The following UBE2Q2 variants were observed in gnomAD, a reference collection of about 807,000 sequenced individuals.
The protein encoded by UBE2Q2 is ubiquitin conjugating enzyme E2 Q2.
A neutral mutation model predicts 59.9 loss-of-function variants in UBE2Q2; 54 were observed. That is an observed-to-expected ratio of 0.90 (90% CI 0.72 to 1.13). The LOEUF is 1.13. UBE2Q2 is among the 50% of genes most tolerant of loss of function. UBE2Q2 has a pLI of 0.00. For missense variants in UBE2Q2, 433 were observed against 441.9 expected, an observed-to-expected ratio of 0.98 and a Z score of 0.18; for synonymous variants, 165 against 155.2, an observed-to-expected ratio of 1.06 and a Z score of -0.47.
intron 11 of UBE2Q2, among the ~76,000 whole-genome samples, chr15:75,896,523 T>G (rs1303810395): frequency 6.6e-6 from 1 of 152,244 alleles, no homozygotes; most frequent in Non-Finnish European, 1.5e-5. Context: ...GTGACAATTA[T>G]GGGCATTCTT....
At chr15:75,857,528 A>C (rs1224773168) in intron 2 of UBE2Q2, among the ~76,000 whole-genome samples, 6 of 152,076 alleles carry the variant, frequency 3.9e-5, no homozygotes, top group Non-Finnish European at 5.9e-5. Flanking sequence ...TTTTTCGCTG[A>C]AGTTATTATA....
At chr15:75,856,167 A>C (rs1318145956) in intron 2 of UBE2Q2, among the ~76,000 whole-genome samples, 1 of 151,608 alleles carries the variant, frequency 6.6e-6, no homozygotes, top group African/African-American at 2.4e-5. Flanking sequence ...AGCCTAGGTG[A>C]CGGAGTGAGA....
chr15:75,855,445 C>G (rs960760244), intron 2 of UBE2Q2, among the ~76,000 whole-genome samples: 1 of 150,654 alleles, frequency 6.6e-6, no homozygotes, highest in African/African-American at 2.4e-5. Context: ...GAGCCGAGAT[C>G]ACGCTATTAT....
At chr15:75,888,224 G>A (rs796837497) in intron 9 of UBE2Q2, among the ~76,000 whole-genome samples, 20 of 152,144 alleles carry the variant, frequency 1.3e-4, no homozygotes, top group African/African-American at 4.6e-4. Flanking sequence ...AAGAAACCCC[G>A]TACTGATTAG....
At position 75,843,738 on chromosome 15, in the gene UBE2Q2, C is replaced by T. The variant is rs1896147653; in HGVS notation, c.72C>T (p.Phe24=). The change falls in exon 1 of 13, where the codon TTC becomes TTT. Residue 24 remains phenylalanine, a synonymous_variant. Transcript: ENST00000267938. The part of the protein sequence containing the change: ...ASIFDKNHER[F]RIVSWKLDEL... ...TCTTCGACAAGAACCACGAGCGATT[C>T]CGCATCGTCAGTTGGAAGCTGGACG... is the stretch of plus-strand genomic sequence containing the variant. 1.9e-6 allele frequency: 3 copies of T among 1,611,714 alleles called. No homozygotes were observed. The highest frequency in any genetic ancestry group is 2.5e-6 in the Non-Finnish European group (3 of 1,179,132).
chr15:75,859,816 A>G (rs952540913), intron 2 of UBE2Q2, 62 bp from the exon 3 acceptor site: 4 of 1,212,628 alleles, frequency 3.3e-6, no homozygotes, highest in African/African-American at 3.1e-5. Context: ...TAGTCATAAC[A>G]TTATTGATGT....
At chr15:75,896,523 T>C (rs1303810395) in intron 11 of UBE2Q2, among the ~76,000 whole-genome samples, 1 of 152,244 alleles carries the variant, frequency 6.6e-6, no homozygotes, top group African/African-American at 2.4e-5. Flanking sequence ...GTGACAATTA[T>C]GGGCATTCTT....
Position 75,868,953 on chromosome 15 carries a change from T to G in UBE2Q2, c.390T>G (p.Asn130Lys), listed in dbSNP as rs1484019540. ...GGCAGATTCTTTCTCTGTTTCAGAA[T>G]GGGACAACAGAAGAAGTGACTTCAG... is the stretch of plus-strand genomic sequence containing the variant. ...MLDQPLPTGQ[N>K]GTTEEVTSEE... Residue 130 changes from asparagine (N) to lysine (K), a missense_variant and splice_region_variant, in exon 4 of 13, where the codon AAT becomes AAG. Transcript: ENST00000267938. 4 of 1,612,872 alleles carry G rather than the reference T, an allele frequency of 2.5e-6. No individual in the cohort carries two copies. Among genetic ancestry groups the G allele is most frequent in the Non-Finnish European group, 3.4e-6 (4 of 1,179,190 alleles).
chr15:75,852,283 C>T (rs1254575764), intron 1 of UBE2Q2, among the ~76,000 whole-genome samples: 3 of 152,128 alleles, frequency 2.0e-5, no homozygotes, highest in African/African-American at 7.2e-5. Flanking sequence ...TTGGTGTTAC[C>T]GCCTTTATTT....
At chr15:75,868,924 C>A (rs372759645) in intron 3 of UBE2Q2, 27 bp from the exon 4 acceptor site, 1 of 1,610,400 alleles carries the variant, frequency 6.2e-7, no homozygotes, top group Non-Finnish European at 8.5e-7. Flanking sequence ...TTCTGTATAG[C>A]CCTGGCAGAT....
intron 8 of UBE2Q2, among the ~76,000 whole-genome samples, chr15:75,880,882 G>A (rs1367471979): frequency 2.0e-5 from 3 of 152,182 alleles, no homozygotes; most frequent in Non-Finnish European, 4.4e-5. Flanking sequence ...TACAAAAAAG[G>A]TAGTAATTTT....
rs1243851124 is a variant in UBE2Q2, at chr15:75,899,917, C to T, written c.*459C>T. The T allele has an allele frequency of 6.5e-6, 1 of 152,712 alleles. No homozygotes were observed. The highest frequency in any genetic ancestry group is 6.5e-5 in the Admixed American group (1 of 15,270). 9.5% of individuals were successfully genotyped at this position (152,712 alleles called of 1,614,324 possible). ...TAAGGCCTTCTAAATCATAATAGCT[C>T]TTTCATGTCTAAAACCATTTTATGA... On this transcript the variant is annotated 3_prime_UTR_variant, in exon 13 of 13. Coordinates refer to ENST00000267938, the MANE Select transcript of UBE2Q2 (RefSeq NM_173469.4).
Position 75,890,476 on chromosome 15 carries a change from C to CAA in UBE2Q2, c.929_930dup (p.Gln311AsnfsTer10). 1 of 1,608,998 alleles carries CAA rather than the reference C, an allele frequency of 6.2e-7. No homozygotes were observed. Among genetic ancestry groups the CAA allele is most frequent in the Non-Finnish European group, 8.5e-7 (1 of 1,178,850 alleles). On this transcript the variant is annotated frameshift_variant, in exon 10 of 13. Coordinates refer to ENST00000267938, the MANE Select transcript of UBE2Q2 (RefSeq NM_173469.4). LOFTEE classifies it high-confidence loss of function. ...GGAGCATTATGTATGGAACTTCTCA[C>CAA]AAAACAGGTGACTTTTCTTACGATA...
chr15:75,886,914 G>A (rs561859852), intron 9 of UBE2Q2, among the ~76,000 whole-genome samples: 146 of 150,920 alleles, frequency 9.7e-4, no homozygotes, highest in Non-Finnish European at 1.8e-3. Context: ...TATAAAATTG[G>A]CCAGTATAGC....
At chr15:75,847,482 G>A (rs1896412771) in intron 1 of UBE2Q2, among the ~76,000 whole-genome samples, 1 of 152,132 alleles carries the variant, frequency 6.6e-6, no homozygotes, top group African/African-American at 2.4e-5. Context: ...CTTAAATAAT[G>A]AAGGGAAAAG....
chr15:75,848,883 C>G (rs1896495484), intron 1 of UBE2Q2, among the ~76,000 whole-genome samples: 1 of 151,992 alleles, frequency 6.6e-6, no homozygotes, highest in Non-Finnish European at 1.5e-5. Context: ...AAAGATAATC[C>G]CAACTTGGAA....
intron 6 of UBE2Q2, among the ~76,000 whole-genome samples, chr15:75,876,839 A>G (rs1352440152): frequency 6.6e-6 from 1 of 152,208 alleles, no homozygotes; most frequent in Non-Finnish European, 1.5e-5. Flanking sequence ...ATAGTATTAA[A>G]TAATGAGCCA....
intron 11 of UBE2Q2, among the ~76,000 whole-genome samples, chr15:75,892,605 A>G (rs1449541417): frequency 1.3e-5 from 2 of 152,234 alleles, no homozygotes; most frequent in Admixed American, 6.5e-5. Flanking sequence ...CACGCCTGTA[A>G]TCTCAACACT....
chr15:75,847,677 G>T (rs1411708617), intron 1 of UBE2Q2, among the ~76,000 whole-genome samples: 1 of 151,980 alleles, frequency 6.6e-6, no homozygotes, highest in Non-Finnish European at 1.5e-5. Context: ...GCCTTATTGG[G>T]AGCTAGTATA....
Sources: gnomAD v4.1 joint callset for allele counts (sites outside exome capture counted in the v4.1 genomes callset) on GRCh38, gnomAD v4.1.1 for gene constraint, MANE v1.5 for transcripts, NCBI Gene and HGNC (gene_info 2026-07-23, HGNC 2026-07-21) for gene names.